Variants in SLC7A10 observed in about 807,000 individuals in gnomAD.
SLC7A10 encodes asc-type amino acid transporter 1.
Under a neutral mutation model 52.7 loss-of-function variants are expected in SLC7A10, and 30 were observed. That is an observed-to-expected ratio of 0.57 (90% confidence interval 0.43 to 0.77). The LOEUF (loss-of-function observed/expected upper bound fraction) is 0.77. SLC7A10 is among the 30% of genes least tolerant of loss of function. SLC7A10 has a pLI of 0.00. For missense variants in SLC7A10, 581 were observed against 698.5 expected (o/e 0.83, Z 1.90); for synonymous variants, 318 against 314.9 (o/e 1.01, Z -0.10).
chr19:33,220,821 C>G (rs1371083434), intron 1 of SLC7A10: 1 of 152,260 alleles, frequency 6.6e-6, no homozygotes, highest in Non-Finnish European at 1.5e-5. Context: ...CTCCCAATTG[C>G]TTGGGCCACA....
intron 2 of SLC7A10, 100 bp from the exon 3 acceptor site, chr19:33,213,102 C>T (rs1000636416): frequency 1.1e-5 from 17 of 1,506,952 alleles, no homozygotes; most frequent in East Asian, 7.4e-5. Context: ...GCCTGGCGCC[C>T]GGGGGCTGGC....
Position 33,212,330 on chromosome 19 carries a change from GA to G in SLC7A10, c.749del (p.Phe250SerfsTer27). The G allele has an allele frequency of 6.2e-7, 1 of 1,613,160 alleles. No homozygotes were observed. Among genetic ancestry groups the G allele is most frequent in the Middle Eastern group, 1.6e-4 (1 of 6,062 alleles). ...QGSFAFSGWNFLNYVTEEMVD... is the reference protein window; with the variant it reads ...QGSFAFSGWNXLNYVTEEMVD... ...CCATCTCCTCGGTGACATAGTTGAG[GA>G]AGTTCCAGCCACTGAAGGCGAAGGA... is the stretch of plus-strand genomic sequence containing the variant. On this transcript the variant is annotated frameshift_variant, in exon 5 of 11. Coordinates refer to ENST00000253188, the MANE Select transcript of SLC7A10 (RefSeq NM_019849.3). LOFTEE classifies it high-confidence loss of function.
At chr19:33,216,659 C>T (rs1386814440) in intron 1 of SLC7A10, among the ~76,000 whole-genome samples, 1 of 152,138 alleles carries the variant, frequency 6.6e-6, no homozygotes, top group East Asian at 1.9e-4. Context: ...TTCCTTCCCT[C>T]CGCTTCCTGG....
rs1974527761 is a variant in SLC7A10, at chr19:33,210,729, A to G, written c.1113+73T>C. The G allele has an allele frequency of 2.5e-6, 4 of 1,585,060 alleles. No individual in the cohort carries two copies. The highest frequency in any genetic ancestry group is 3.4e-6 in the Non-Finnish European group (4 of 1,161,506). On this transcript the variant is annotated intron_variant, in intron 8 of 10. Coordinates refer to ENST00000253188, the MANE Select transcript of SLC7A10 (RefSeq NM_019849.3). This position sits in a 1 kb window ranked among gnomAD's most constrained non-coding sequence, Gnocchi z 5.6. The stretch of plus-strand genomic sequence containing the variant: ...CACCCTGGAATGGCTCACCCCTGCC[A>G]TTACCCGGAAGGTCCTGCATTGCCG...
rs767490931 is a variant in SLC7A10, at chr19:33,209,332, G to A, written c.1417C>T (p.Pro473Ser). 4 of 1,613,978 alleles carry A rather than the reference G, an allele frequency of 2.5e-6. No individual in the cohort carries two copies. In the South Asian group the frequency reaches 4.4e-5, roughly 18 times the overall value. The part of the protein sequence containing the change: ...FFLGVFWRSK[P>S]KCVHRLTESM... Reference sequence around the variant, plus strand: ...CCTGTGAGTCTGTGCACACACTTTGGTTTGCTTCTCCAGAACACTCCCAGA... The same window carrying A: ...CCTGTGAGTCTGTGCACACACTTTGATTTGCTTCTCCAGAACACTCCCAGA... The change falls in exon 10 of 11, where the codon CCA (proline) becomes TCA (serine). Residue 473 changes from proline to serine, a missense_variant. Pro to Ser is a moderately conservative substitution (Grantham distance 74, BLOSUM62 -1). Transcript: ENST00000253188.
chr19:33,223,230 C>A (rs1283483542), intron 1 of SLC7A10, among the ~76,000 whole-genome samples: 1 of 149,936 alleles, frequency 6.7e-6, no homozygotes, highest in African/African-American at 2.5e-5. Context: ...ATTACTTGAA[C>A]CCCGGAGGTG....
Position 33,209,291 on chromosome 19 carries a change from GC to G in SLC7A10, c.1441+16del, listed in dbSNP as rs1974484273. 1 of 1,613,700 alleles carries G rather than the reference GC, an allele frequency of 6.2e-7. No individual in the cohort carries two copies. Among genetic ancestry groups the G allele is most frequent in the African/African-American group, 1.3e-5 (1 of 75,054 alleles). The stretch of plus-strand genomic sequence containing the variant: ...CCCGGCCCCCTGTGCTGGGTGACCT[GC>G]AGCTGCCCGGCTCACCTGTGAGTCT... On this transcript the variant is annotated intron_variant, in intron 10 of 10. Coordinates refer to ENST00000253188, the MANE Select transcript of SLC7A10 (RefSeq NM_019849.3).
rs940139722 is a variant in SLC7A10, at chr19:33,212,901, T to C, written c.458A>G (p.Asn153Ser). The C allele has an allele frequency of 1.9e-6, 3 of 1,613,938 alleles. No homozygotes were observed. Among genetic ancestry groups the C allele is most frequent in the Admixed American group, 3.3e-5 (2 of 60,014 alleles). The change falls in exon 3 of 11, where the codon AAC becomes AGC. Residue 153 changes from asparagine (N) to serine (S), a missense_variant. Coordinates refer to ENST00000253188, the MANE Select transcript of SLC7A10 (RefSeq NM_019849.3). ...GGAGGCTGTGGTGGGGGGGATGCAGTTGGGGAACACGGGCTGCAGCACGTA... is the reference window on the plus strand; with the variant it reads ...GGAGGCTGTGGTGGGGGGGATGCAGCTGGGGAACACGGGCTGCAGCACGTA... ...SNYVLQPVFP[N>S]CIPPTTASRV...
rs1180205756 is a variant in SLC7A10, at chr19:33,209,313, A to G, written c.1436T>C (p.Leu479Pro). The G allele has an allele frequency of 6.2e-7, 1 of 1,613,802 alleles. No individual in the cohort carries two copies. Among genetic ancestry groups the G allele is most frequent in the Non-Finnish European group, 8.5e-7 (1 of 1,180,004 alleles). ...WRSKPKCVHR[L>P]TESMTHWGQE... ...CCTGCAGCTGCCCGGCTCACCTGTG[A>G]GTCTGTGCACACACTTTGGTTTGCT... Residue 479 changes from leucine (L) to proline (P), a missense_variant, in exon 10 of 11, where the codon CTC becomes CCC. Transcript: ENST00000253188.
At chr19:33,213,275 G>GCTTTT (rs1177475835) in intron 2 of SLC7A10, among the ~76,000 whole-genome samples, 5 of 150,950 alleles carry the variant, frequency 3.3e-5, no homozygotes, top group Admixed American at 2.6e-4. Context: ...GGCACCAAAC[G>GCTTTT]CTTTTCTTTT....
rs547751983 is a variant in SLC7A10, at chr19:33,222,778, C to T, written c.151+2775G>A. ...TTCCTCCAGCCTGGCCGATTCCCTT[C>T]CATCTGTGCTTGCAGTGGCCGGCGG... On this transcript the variant is annotated intron_variant, in intron 1 of 10. Transcript: ENST00000253188. Among the ~76,000 whole-genome samples, 41 of 152,178 alleles carry T rather than the reference C, an allele frequency of 2.7e-4. 1 individual carries two copies. Among genetic ancestry groups the T allele is most frequent in the Admixed American group, 2.6e-3 (40 of 15,290 alleles).
intron 1 of SLC7A10, chr19:33,219,947 G>C (rs931475496): frequency 6.6e-6 from 1 of 152,206 alleles, no homozygotes; most frequent in Non-Finnish European, 1.5e-5. Context: ...ATCTCCCTAC[G>C]CACTGCCATC....
chr19:33,212,414 G>C lies in SLC7A10; in HGVS notation c.666C>G (p.Ala222=). ...GHFEELRPSN[A]FAFWMTPSVG... ...CGGAGGGCGTCATCCAGAAAGCAAA[G>C]GCATTGCTGGGCCTCAGCTCCTCGA... The change falls in exon 5 of 11, where the codon GCC becomes GCG. Residue 222 remains alanine (A), a synonymous_variant. Transcript: ENST00000253188. 6.2e-7 allele frequency: 1 copy of C among 1,613,944 alleles called. No homozygotes were observed. Among genetic ancestry groups the C allele is most frequent in the Non-Finnish European group, 8.5e-7 (1 of 1,180,050 alleles).
At chr19:33,212,712 G>A in intron 3 of SLC7A10, 73 bp from the exon 4 acceptor site, 3 of 1,611,608 alleles carry the variant, frequency 1.9e-6, no homozygotes, top group Non-Finnish European at 2.5e-6. Flanking sequence ...GTCCAGCCCA[G>A]GCGGCCCGAG....
At chr19:33,215,425 C>T (rs1181648960) in intron 2 of SLC7A10, among the ~76,000 whole-genome samples, 1 of 152,130 alleles carries the variant, frequency 6.6e-6, no homozygotes, top group African/African-American at 2.4e-5. Context: ...GTAAGAATCC[C>T]CCCTCCTTAA....
chr19:33,212,771 CCT>C (rs1357648860), intron 3 of SLC7A10, 78 bp downstream of exon 3: 9 of 1,605,746 alleles, frequency 5.6e-6, no homozygotes, highest in Non-Finnish European at 7.7e-6. Context: ...AAATTTCACC[CCT>C]CTGTCCTCCT....
In SLC7A10 at chr19:33,212,887, TG is replaced by T. The variant is rs753589038; in HGVS notation, c.471del (p.Thr158ProfsTer12). On this transcript the variant is annotated frameshift_variant, in exon 3 of 11. Transcript: ENST00000253188. LOFTEE classifies it high-confidence loss of function. Reference protein sequence around the residue: ...LQPVFPNCIPPTTASRVLSMA... With the variant: ...LQPVFPNCIPXTTASRVLSMA... ...ATGGACAGCACCCGGGAGGCTGTGG[TG>T]GGGGGGATGCAGTTGGGGAACACGG... 11 of 1,613,322 alleles carry T rather than the reference TG, an allele frequency of 6.8e-6. No homozygotes were observed. Among genetic ancestry groups the T allele is most frequent in the Non-Finnish European group, 9.3e-6 (11 of 1,179,790 alleles).
At chr19:33,212,814 G>A (rs1475883592) in intron 3 of SLC7A10, 37 bp downstream of exon 3, 2 of 1,610,130 alleles carry the variant, frequency 1.2e-6, no homozygotes, top group Non-Finnish European at 1.7e-6. Flanking sequence ...CGGGCAGGTG[G>A]CTGATCTGGG....
rs952182546 is a variant in SLC7A10 at position 33,225,804 on chromosome 19, G to GA, written c.-102dup. 54 of 1,288,150 alleles carry GA rather than the reference G, an allele frequency of 4.2e-5. No individual in the cohort carries two copies. Among genetic ancestry groups the GA allele is most frequent in the Non-Finnish European group, 5.2e-5 (53 of 1,011,086 alleles). The allele number at this position is 1,288,150 out of a possible 1,614,324, so 79.8% of individuals were successfully genotyped here. A position where few individuals can be genotyped will look rare whatever the true frequency, so the allele number is the denominator to read the frequency against. On this transcript the variant is annotated 5_prime_UTR_variant, in exon 1 of 11. Transcript: ENST00000253188. Reference sequence around the variant, plus strand: ...GTGAGCTCACGGCCCTCGCAGCCGGGACAGCGCCCACAGGCGGGCGCATGC... The same window carrying GA: ...GTGAGCTCACGGCCCTCGCAGCCGGGAACAGCGCCCACAGGCGGGCGCATGC...
Sources: gnomAD v4.1 joint callset for allele counts (sites outside exome capture counted in the v4.1 genomes callset) on GRCh38, gnomAD v4.1.1 for gene constraint, Gnocchi (gnomAD v3.1) non-coding constraint, MANE v1.5 for transcripts, NCBI Gene and HGNC (gene_info 2026-07-23, HGNC 2026-07-21) for gene names.